Variants in GET4 observed in about 807,000 individuals in gnomAD.
GET4 encodes the protein guided entry of tail-anchored proteins factor 4.
A neutral mutation model predicts 40.0 loss-of-function variants in GET4; 20 were observed. The observed-to-expected ratio is 0.50, with a 90% CI of 0.35 to 0.73. The LOEUF is 0.73. Among genes scored for constraint, GET4 ranks in the 30% least tolerant of loss-of-function variants. GET4 has a pLI of 0.01. For synonymous variants in GET4, 280 were observed against 194.6 expected, an observed-to-expected ratio of 1.44 and a Z score of -3.65; for missense variants, 557 against 454.0, an observed-to-expected ratio of 1.23 and a Z score of -2.06.
intron 3 of GET4, chr7:887,068 G>GCCAGAGCCAGGTAC: frequency 3.3e-6 from 2 of 607,624 alleles, no homozygotes; most frequent in Non-Finnish European, 6.3e-6. Context: ...GATGCCCCGG[G>GCCAGAGCCAGGTAC]CCAGAGCCAG....
chr7:877,358 C>T (rs1358287377), intron 1 of GET4, among the ~76,000 whole-genome samples: 7 of 118,824 alleles, frequency 5.9e-5, no homozygotes, highest in East Asian at 2.8e-4. Flanking sequence ...TCGCCGTCCT[C>T]CCCCTGCCCC....
intron 1 of GET4, chr7:877,836 TTCTC>T (rs1216683968): frequency 2.3e-5 from 1 of 43,202 alleles, no homozygotes; most frequent in African/African-American, 1.0e-4. Context: ...CCCCCCGCCT[TTCTC>T]TCTCAGGCCT....
At chr7:876,898 T>G in intron 1 of GET4, 98 bp downstream of exon 1, 3 of 582,594 alleles carry the variant, frequency 5.1e-6, no homozygotes, top group Non-Finnish European at 4.5e-6. Context: ...GCCGCGCCGC[T>G]GCCCGTCGCG....
At chr7:886,230 G>A (rs570014287) in intron 2 of GET4, 96 bp downstream of exon 2, 39 of 799,054 alleles carry the variant, frequency 4.9e-5, no homozygotes, top group East Asian at 2.3e-4. Context: ...GCAACCTTGC[G>A]CTGCCCTGGG....
intron 4 of GET4, among the ~76,000 whole-genome samples, chr7:889,802 A>C (rs62430802): frequency 0.27 from 2,583 of 9,684 alleles, 478 homozygotes; most frequent in Admixed American, 0.4. Context: ...GGAGGGAGCG[A>C]GAGCGGGTGT....
intron 4 of GET4, among the ~76,000 whole-genome samples, chr7:888,945 C>T (rs1173356514): frequency 6.6e-6 from 1 of 152,268 alleles, no homozygotes; most frequent in Admixed American, 6.5e-5. Flanking sequence ...ACTGGGTGGC[C>T]GCCCTCGCCA....
chr7:886,060 A>AT lies in GET4; in HGVS notation c.161dup (p.Met54IlefsTer49), dbSNP rs1844180978. 1 of 1,596,564 alleles carries AT rather than the reference A, an allele frequency of 6.3e-7. No homozygotes were observed. Among genetic ancestry groups the AT allele is most frequent in the African/African-American group, 1.3e-5 (1 of 74,628 alleles). The stretch of plus-strand genomic sequence containing the variant: ...ACGGTCTCCTCTCTGTGGCAGGTAC[A>AT]TGTCCCAGAGCAAGCACACGGAGGC... On this transcript the variant is annotated frameshift_variant, in exon 2 of 9. Coordinates refer to ENST00000265857, the MANE Select transcript of GET4 (RefSeq NM_015949.3). LOFTEE classifies it high-confidence loss of function.
At chr7:884,250 G>C in intron 1 of GET4, 1 of 1,304,150 alleles carries the variant, frequency 7.7e-7, no homozygotes, top group Non-Finnish European at 1.0e-6. Context: ...GAGGCCAGGC[G>C]TGTCTGGGAG....
In GET4 at chr7:891,000, T is replaced by C; in HGVS notation, c.539T>C (p.Val180Ala). The change falls in exon 5 of 9, where the codon GTG becomes GCG. Residue 180 changes from valine to alanine, a missense_variant. Coordinates refer to ENST00000265857, the MANE Select transcript of GET4 (RefSeq NM_015949.3). ...GGGGAGGGCTGTGCCAACATGCTGG[T>C]GGAGTATTCCACGTCCCGCGGCTTC... ...ADGEGCANML[V>A]EYSTSRGFRS... The C allele has an allele frequency of 6.2e-7, 1 of 1,611,990 alleles. No homozygotes were observed. The highest frequency in any genetic ancestry group is 8.5e-7 in the Non-Finnish European group (1 of 1,178,220).
At chr7:877,057 G>C (rs1430361688) in intron 1 of GET4, among the ~76,000 whole-genome samples, 3 of 150,886 alleles carry the variant, frequency 2.0e-5, no homozygotes, top group Non-Finnish European at 4.4e-5. Flanking sequence ...GTTCCTCCTC[G>C]GCCTTCCCCT....
intron 4 of GET4, among the ~76,000 whole-genome samples, chr7:889,311 G>A (rs539879450): frequency 2.0e-5 from 3 of 152,380 alleles, no homozygotes; most frequent in East Asian, 3.9e-4. Context: ...AGGTGGCCAC[G>A]CACTGCCTCT....
In GET4 at chr7:896,372, G is replaced by A. The variant is rs1844497071; in HGVS notation, c.*950G>A. On this transcript the variant is annotated 3_prime_UTR_variant, in exon 9 of 9. Coordinates refer to ENST00000265857, the MANE Select transcript of GET4 (RefSeq NM_015949.3). ...GGGGAAACGCACAGCTTTATTTACTGTAAAGTGGAATTTCAGGAAGGCTTG... is the reference window on the plus strand; with the variant it reads ...GGGGAAACGCACAGCTTTATTTACTATAAAGTGGAATTTCAGGAAGGCTTG... 1 of 152,206 alleles carries A rather than the reference G, an allele frequency of 6.6e-6. No individual in the cohort carries two copies. The highest frequency in any genetic ancestry group is 1.5e-5 in the Non-Finnish European group (1 of 68,036). The allele number at this position is 152,206 out of a possible 1,614,324, so 9.4% of individuals were successfully genotyped here. A position where few individuals can be genotyped will look rare whatever the true frequency, so the allele number is the denominator to read the frequency against.
intron 6 of GET4, among the ~76,000 whole-genome samples, chr7:893,213 G>T (rs1844375427): frequency 6.9e-6 from 1 of 145,214 alleles, no homozygotes; most frequent in South Asian, 2.2e-4. Context: ...GTGTGTGCAG[G>T]TGAGTGTTGG....
At chr7:885,782 G>A (rs551636607) in intron 1 of GET4, 2 of 446,010 alleles carry the variant, frequency 4.5e-6, no homozygotes, top group East Asian at 4.0e-5. Flanking sequence ...ACTGAAACCG[G>A]TGAGCTGCTC....
chr7:889,209 G>A (rs2128628504), intron 4 of GET4, among the ~76,000 whole-genome samples: 1 of 152,402 alleles, frequency 6.6e-6, no homozygotes, highest in South Asian at 2.1e-4. Flanking sequence ...GCCTCCCACT[G>A]GGGTAGGTGC....
chr7:876,618 C>T lies in GET4; in HGVS notation c.-28C>T, dbSNP rs1459986507. On this transcript the variant is annotated 5_prime_UTR_variant, in exon 1 of 9. Transcript: ENST00000265857. ...GCGCTGCCGACCGCGCCTGCGACAG[C>T]GTCAGCCCTGCGCGGAGCGCCGGCC... 1.1e-5 allele frequency: 13 copies of T among 1,196,204 alleles called. No individual in the cohort carries two copies. The African/African-American group carries it at 1.6e-4, about 15-fold the overall frequency. 74.1% of individuals were successfully genotyped at this position (1,196,204 alleles called of 1,614,324 possible).
rs1384812061 is a variant in GET4, at chr7:896,155, T to C, written c.*733T>C. On this transcript the variant is annotated 3_prime_UTR_variant, in exon 9 of 9. Coordinates refer to ENST00000265857, the MANE Select transcript of GET4 (RefSeq NM_015949.3). ...GTCTCTTTCATAACGCAATATTTAT[T>C]TGTATTGGGTGATGATTGATTCTTT... The C allele has an allele frequency of 6.6e-6, 1 of 152,202 alleles. No homozygotes were observed. The highest frequency in any genetic ancestry group is 2.4e-5 in the African/African-American group (1 of 41,440). 9.4% of individuals were successfully genotyped at this position (152,202 alleles called of 1,614,324 possible). A position where few individuals can be genotyped will look rare whatever the true frequency, so the allele number is the denominator to read the frequency against.
intron 1 of GET4, among the ~76,000 whole-genome samples, chr7:879,015 A>G (rs2128626299): frequency 6.6e-6 from 1 of 152,108 alleles, no homozygotes; most frequent in Admixed American, 6.5e-5. Flanking sequence ...CCCATCACTC[A>G]CATCGGGGTG....
intron 1 of GET4, 81 bp downstream of exon 1, chr7:876,881 C>G (rs1843962156): frequency 1.3e-6 from 1 of 791,274 alleles, no homozygotes; most frequent in Non-Finnish European, 1.6e-6. Flanking sequence ...CCCCGCGCCC[C>G]CATTGGGCCG....
Sources: allele counts gnomAD v4.1 joint callset (sites outside exome capture counted in the v4.1 genomes callset), GRCh38; gene constraint gnomAD v4.1.1; transcripts MANE v1.5; gene names NCBI Gene and HGNC (gene_info 2026-07-23, HGNC 2026-07-21).